KCNIP4: variants seen among roughly 807,000 people sequenced by gnomAD.
KCNIP4 encodes the protein Kv channel-interacting protein 4.
Under a neutral mutation model 34.0 loss-of-function variants are expected in KCNIP4, and 12 were observed. The observed-to-expected ratio is 0.35, with a 90% CI of 0.23 to 0.57. The LOEUF (loss-of-function observed/expected upper bound fraction) is 0.57, where lower values mean the gene tolerates loss of function less well. Ranked by LOEUF, KCNIP4 falls within the 20% of genes least tolerant of loss-of-function variation. KCNIP4 has a pLI of 0.83. For missense variants in KCNIP4, 238 were observed against 311.7 expected, an observed-to-expected ratio of 0.76 and a Z score of 1.78; for synonymous variants, 124 against 102.2, an observed-to-expected ratio of 1.21 and a Z score of -1.29.
intron 1 of KCNIP4, among the ~76,000 whole-genome samples, chr4:21,720,569 A>G (rs28684677): frequency 0.088 from 12,617 of 143,676 alleles, 1,821 homozygotes; most frequent in African/African-American, 0.31. Context: ...TCTAGGGTAC[A>G]TGTGCACAAC....
intron 2 of KCNIP4, among the ~76,000 whole-genome samples, chr4:20,870,744 T>G (rs1304066002): frequency 6.6e-6 from 1 of 152,176 alleles, no homozygotes; most frequent in Non-Finnish European, 1.5e-5. Flanking sequence ...TTATAGTCTC[T>G]CATTTCCTCC....
chr4:21,524,637 AG>A (rs1195962475), intron 1 of KCNIP4, among the ~76,000 whole-genome samples: 1 of 152,098 alleles, frequency 6.6e-6, no homozygotes, highest in African/African-American at 2.4e-5. Context: ...TAAATTCTTC[AG>A]GGAAACCTTC....
chr4:21,882,262 T>C (rs1443190781), intron 1 of KCNIP4, among the ~76,000 whole-genome samples: 2 of 152,114 alleles, frequency 1.3e-5, no homozygotes, highest in East Asian at 1.9e-4. Context: ...AAAGTGACTA[T>C]TACTGTCTCA....
intron 1 of KCNIP4, among the ~76,000 whole-genome samples, chr4:21,204,290 C>T (rs1756694976): frequency 6.6e-6 from 1 of 152,070 alleles, no homozygotes. Context: ...TATTTCCCAG[C>T]TATAGAATAT....
chr4:21,088,213 T>G (rs1044207079), intron 1 of KCNIP4, among the ~76,000 whole-genome samples: 21 of 152,316 alleles, frequency 1.4e-4, no homozygotes, highest in African/African-American at 4.8e-4. Context: ...TTTCTCATTC[T>G]GCCACCAAGA....
intron 1 of KCNIP4, among the ~76,000 whole-genome samples, chr4:21,723,537 G>A (rs1211153869): frequency 1.3e-5 from 2 of 152,000 alleles, no homozygotes; most frequent in African/African-American, 2.4e-5. Context: ...TAGTGGAGAC[G>A]TGGTTTGTAG....
At chr4:21,300,839 A>C (rs980246378) in intron 1 of KCNIP4, among the ~76,000 whole-genome samples, 1 of 152,160 alleles carries the variant, frequency 6.6e-6, no homozygotes, top group Non-Finnish European at 1.5e-5. Flanking sequence ...CTCAAATTTT[A>C]ATTTCCTGTT....
At chr4:21,617,487 T>C (rs1028674157) in intron 1 of KCNIP4, among the ~76,000 whole-genome samples, 1 of 152,214 alleles carries the variant, frequency 6.6e-6, no homozygotes, top group Non-Finnish European at 1.5e-5. Context: ...TATAGCTTTA[T>C]TCCTAAACCA....
At chr4:21,884,381 C>T (rs1179891526) in intron 1 of KCNIP4, among the ~76,000 whole-genome samples, 1 of 152,002 alleles carries the variant, frequency 6.6e-6, no homozygotes, top group East Asian at 1.9e-4. Context: ...CAAGAAAGTA[C>T]AATGGAGCCG....
chr4:21,404,101 T>C (rs1432195897), intron 1 of KCNIP4, among the ~76,000 whole-genome samples: 1 of 152,202 alleles, frequency 6.6e-6, no homozygotes. Context: ...CACCTGTGGT[T>C]CTTGCTCTCA....
chr4:20,754,326 A>T (rs1234329205), intron 4 of KCNIP4, among the ~76,000 whole-genome samples: 1 of 152,212 alleles, frequency 6.6e-6, no homozygotes. Context: ...GATAAGACAA[A>T]GCACTTTCCT....
intron 1 of KCNIP4, among the ~76,000 whole-genome samples, chr4:21,577,633 AAAAC>A (rs36186672): frequency 0.77 from 116,791 of 150,842 alleles, 45,900 homozygotes; most frequent in East Asian, 0.97. Context: ...CTCCATCTTA[AAAAC>A]AAACAAACAA....
At chr4:20,861,695 G>A (rs1334856857) in intron 2 of KCNIP4, among the ~76,000 whole-genome samples, 1 of 151,976 alleles carries the variant, frequency 6.6e-6, no homozygotes, top group Non-Finnish European at 1.5e-5. Flanking sequence ...GTACTTGTTG[G>A]CAATGACATT....
At chr4:21,316,626 C>T (rs78787976) in intron 1 of KCNIP4, 95 of 152,270 alleles carry the variant, frequency 6.2e-4, no homozygotes, top group African/African-American at 2.1e-3. Context: ...CTGGTTGGCA[C>T]TAATGTGTGA....
intron 1 of KCNIP4, among the ~76,000 whole-genome samples, chr4:21,614,705 T>C (rs1055225277): frequency 3.3e-5 from 5 of 151,550 alleles, no homozygotes; most frequent in African/African-American, 9.7e-5. Flanking sequence ...TTATGGCTTA[T>C]ATATGTATAA....
intron 1 of KCNIP4, among the ~76,000 whole-genome samples, chr4:21,409,195 C>A (rs764129610): frequency 6.6e-6 from 1 of 151,664 alleles, no homozygotes; most frequent in Non-Finnish European, 1.5e-5. Flanking sequence ...CAACCTCGAC[C>A]TCCTGGGCTC....
At chr4:21,481,329 G>GA (rs769590498) in intron 1 of KCNIP4, among the ~76,000 whole-genome samples, 35 of 152,176 alleles carry the variant, frequency 2.3e-4, no homozygotes, top group Non-Finnish European at 4.1e-4. Context: ...CTCACAACAT[G>GA]AGAACTTTCA....
chr4:21,129,452 C>G (rs13123299), intron 1 of KCNIP4, among the ~76,000 whole-genome samples: 76,350 of 151,996 alleles, frequency 0.5, 20,098 homozygotes, highest in African/African-American at 0.66. Flanking sequence ...GATCACCCCA[C>G]TGGGAATTAG....
At chr4:21,783,619 G>C (rs1238241801) in intron 1 of KCNIP4, among the ~76,000 whole-genome samples, 1 of 151,848 alleles carries the variant, frequency 6.6e-6, no homozygotes, top group Non-Finnish European at 1.5e-5. Flanking sequence ...AATAAAGGTA[G>C]GACATCAAAA....
Sources: gnomAD v4.1 joint callset for allele counts (sites outside exome capture counted in the v4.1 genomes callset) on GRCh38, gnomAD v4.1.1 for gene constraint, MANE v1.5 for transcripts, NCBI Gene and HGNC (gene_info 2026-07-23, HGNC 2026-07-21) for gene names.